Variants in PCBP3 observed in about 807,000 individuals in gnomAD.
PCBP3 encodes the protein poly(rC)-binding protein 3.
Under a neutral mutation model 52.7 loss-of-function variants are expected in PCBP3, and 25 were observed. That is an observed-to-expected ratio of 0.47 (90% CI 0.35 to 0.66). The LOEUF (loss-of-function observed/expected upper bound fraction) is 0.66. Ranked by LOEUF, PCBP3 falls within the 30% of genes least tolerant of loss-of-function variation. The pLI is 0.01. For synonymous variants in PCBP3, 162 were observed against 183.0 expected (o/e 0.89, Z 0.93); for missense variants, 391 against 490.3 (o/e 0.80, Z 1.91).
chr21:45,941,916 T>A lies in PCBP3; in HGVS notation c.*210T>A. On this transcript the variant is annotated 3_prime_UTR_variant, in exon 18 of 18. Transcript: ENST00000681687. ...CAGGCTCCGCCGAGTCCCCCCTCAGTGTTATTTTATTTATGACTTACGCTC... is the reference window on the plus strand; with the variant it reads ...CAGGCTCCGCCGAGTCCCCCCTCAGAGTTATTTTATTTATGACTTACGCTC... 2.3e-6 allele frequency: 1 copy of A among 430,340 alleles called. No individual in the cohort carries two copies. The highest frequency in any genetic ancestry group is 4.1e-6 in the Non-Finnish European group (1 of 244,514). 26.7% of individuals were successfully genotyped at this position (430,340 alleles called of 1,614,324 possible).
At chr21:45,831,408 C>CAA (rs59400163) in intron 4 of PCBP3, among the ~76,000 whole-genome samples, 2,595 of 86,072 alleles carry the variant, frequency 0.03, 45 homozygotes, top group Admixed American at 0.049. Context: ...GATGCTGTCT[C>CAA]AAAAAAAAAA....
At chr21:45,644,451 T>A (rs1322719476) in intron 1 of PCBP3, among the ~76,000 whole-genome samples, 3 of 152,070 alleles carry the variant, frequency 2.0e-5, no homozygotes, top group Admixed American at 6.5e-5. Flanking sequence ...GGTTAGAACG[T>A]GTTTCTTATT....
intron 3 of PCBP3, among the ~76,000 whole-genome samples, chr21:45,745,946 G>T (rs375186394): frequency 6.6e-6 from 1 of 152,096 alleles, no homozygotes; most frequent in Admixed American, 6.5e-5. Context: ...AGCGCCACAC[G>T]GTGTTGTGTC....
rs116980912 is a variant in PCBP3, at chr21:45,712,914, C to T, written c.-199-22478C>T. ...AGAGGTGTGGTCTCACTGTGTTGCC[C>T]ACACATTTGCCACTGTGGTGTTGTG... On this transcript the variant is annotated intron_variant, in intron 2 of 17. Transcript: ENST00000681687. Among the ~76,000 whole-genome samples the T allele has an allele frequency of 1.8e-4, 28 of 152,196 alleles. No individual in the cohort carries two copies. The East Asian group carries it at 4.5e-3, about 24-fold the overall frequency.
intron 4 of PCBP3, among the ~76,000 whole-genome samples, chr21:45,787,268 A>G (rs1164351901): frequency 2.0e-5 from 3 of 152,158 alleles, no homozygotes; most frequent in African/African-American, 4.8e-5. Context: ...TGTTTGAGAC[A>G]GGGTCTTGCT....
intron 2 of PCBP3, among the ~76,000 whole-genome samples, chr21:45,674,661 A>T (rs1279142168): frequency 1.3e-5 from 2 of 152,238 alleles, no homozygotes; most frequent in East Asian, 3.8e-4. Flanking sequence ...AGGTCCACTT[A>T]GGAAACTGAA....
At chr21:45,815,399 T>A (rs1434875046) in intron 4 of PCBP3, among the ~76,000 whole-genome samples, 1 of 77,570 alleles carries the variant, frequency 1.3e-5, no homozygotes, top group African/African-American at 5.6e-5. Context: ...TGGTGAGTGG[T>A]GAGTGAGTGG....
chr21:45,892,131 AGGCTTTTAGCAGGACCGC>A (rs1163659284), intron 5 of PCBP3, among the ~76,000 whole-genome samples: 1 of 152,090 alleles, frequency 6.6e-6, no homozygotes, highest in East Asian at 1.9e-4. Flanking sequence ...GCAGAGGCGG[AGGCTTTTAGCAGGACCGC>A]GGCGTCCTTC....
At chr21:45,894,509 CAG>C (rs1003893219) in intron 5 of PCBP3, among the ~76,000 whole-genome samples, 8 of 152,142 alleles carry the variant, frequency 5.3e-5, no homozygotes, top group African/African-American at 1.7e-4. Context: ...AGGTGCTTCT[CAG>C]GGGCCACGCC....
Position 45,924,497 on chromosome 21 carries a change from C to T in PCBP3, c.718-5420C>T, listed in dbSNP as rs112841273. Among the ~76,000 whole-genome samples the T allele has an allele frequency of 1.1e-3, 51 of 45,494 alleles. 2 individuals are homozygous for T. Among genetic ancestry groups the T allele is most frequent in the African/African-American group, 9.4e-3 (32 of 3,418 alleles). 29.8% of individuals were successfully genotyped at this position (45,494 alleles called of 152,430 possible). A position where few individuals can be genotyped will look rare whatever the true frequency, so the allele number is the denominator to read the frequency against. ...GGTGTGCGTGAGGAGATGCGAACAC[C>T]GGGAACAGTCGAGTGGATAGAAACA... On this transcript the variant is annotated intron_variant, in intron 13 of 17. Coordinates refer to ENST00000681687, the MANE Select transcript of PCBP3 (RefSeq NM_001384156.1).
At chr21:45,684,055 C>CAAAAAAAA (rs71334088) in intron 2 of PCBP3, among the ~76,000 whole-genome samples, 1 of 78,472 alleles carries the variant, frequency 1.3e-5, no homozygotes, top group African/African-American at 4.9e-5. Context: ...CCCATCTCTA[C>CAAAAAAAA]AAAAAAAAAA....
At chr21:45,866,689 A>C (rs1459907374) in intron 5 of PCBP3, among the ~76,000 whole-genome samples, 1 of 152,142 alleles carries the variant, frequency 6.6e-6, no homozygotes, top group African/African-American at 2.4e-5. Flanking sequence ...TGAGGTGTTC[A>C]GGCTGGCCCC....
intron 2 of PCBP3, among the ~76,000 whole-genome samples, chr21:45,706,069 T>A (rs912891131): frequency 6.6e-5 from 10 of 152,246 alleles, no homozygotes; most frequent in Admixed American, 3.9e-4. Context: ...ACCTTTACAT[T>A]AGCAATGTTG....
At chr21:45,771,956 A>C (rs1403917629) in intron 4 of PCBP3, among the ~76,000 whole-genome samples, 1 of 152,244 alleles carries the variant, frequency 6.6e-6, no homozygotes, top group African/African-American at 2.4e-5. Context: ...TACCAGCAAC[A>C]AATAATTAAA....
chr21:45,662,291 T>G (rs922199138), intron 1 of PCBP3, among the ~76,000 whole-genome samples: 3 of 101,350 alleles, frequency 3.0e-5, no homozygotes, highest in Non-Finnish European at 6.7e-5. Flanking sequence ...TTTTTTTTTT[T>G]TTTTTTTTTT....
chr21:45,752,488 T>C (rs2087611782), intron 3 of PCBP3, among the ~76,000 whole-genome samples: 1 of 152,100 alleles, frequency 6.6e-6, no homozygotes, highest in Admixed American at 6.5e-5. Context: ...GATTTAGATA[T>C]ATAGTACTTT....
At chr21:45,894,062 C>T in intron 5 of PCBP3, 1 of 983,800 alleles carries the variant, frequency 1.0e-6, no homozygotes, top group Non-Finnish European at 1.2e-6. Flanking sequence ...GCCTCGTCCA[C>T]CCTGGCCTTC....
chr21:45,717,562 A>G lies in PCBP3; in HGVS notation c.-199-17830A>G, dbSNP rs903458965. ...TCATTAGATATATTGAAATTTGTCA[A>G]ATGCTTTTTCTGTGTCTACTGAGAT... On this transcript the variant is annotated intron_variant, in intron 2 of 17. Coordinates refer to ENST00000681687, the MANE Select transcript of PCBP3 (RefSeq NM_001384156.1). 4.6e-5 allele frequency among the ~76,000 whole-genome samples: 7 copies of G among 152,224 alleles called. No individual in the cohort carries two copies. The South Asian group carries it at 1.5e-3, about 32-fold the overall frequency.
intron 4 of PCBP3, chr21:45,828,901 T>A (rs189189811): frequency 1.0e-4 from 16 of 152,382 alleles, no homozygotes; most frequent in Non-Finnish European, 1.5e-4. Context: ...ATGGAGGAGC[T>A]CCACCTCTGT....
Sources: gnomAD v4.1 joint callset for allele counts (sites outside exome capture counted in the v4.1 genomes callset) on GRCh38, gnomAD v4.1.1 for gene constraint, MANE v1.5 for transcripts, NCBI Gene and HGNC (gene_info 2026-07-23, HGNC 2026-07-21) for gene names.